EVI5: variants seen among roughly 807,000 people sequenced by gnomAD.
EVI5 encodes the protein ecotropic viral integration site 5.
Under a neutral mutation model 112.0 loss-of-function variants are expected in EVI5, and 73 were observed. That is an observed-to-expected ratio of 0.65 (90% CI 0.54 to 0.79). The LOEUF (loss-of-function observed/expected upper bound fraction) is 0.79. EVI5 is among the 30% of genes least tolerant of loss of function. The probability of loss-of-function intolerance (pLI) is 0.00; values close to 1 mark genes in which losing one functional copy is unlikely to be tolerated. For synonymous variants in EVI5, 305 were observed against 319.9 expected (o/e 0.95, Z 0.50); for missense variants, 900 against 968.8 (o/e 0.93, Z 0.94).
At chr1:92,561,590 T>TCTATCTAACCTATC (rs1668566776) in intron 19 of EVI5, among the ~76,000 whole-genome samples, 1 of 149,894 alleles carries the variant, frequency 6.7e-6, no homozygotes, top group Non-Finnish European at 1.5e-5. Context: ...TATCTATCTA[T>TCTATCTAACCTATC]CTATCTATCT....
intron 2 of EVI5, among the ~76,000 whole-genome samples, chr1:92,716,398 TAACA>T (rs1558135484): frequency 6.6e-6 from 1 of 152,108 alleles, no homozygotes; most frequent in African/African-American, 2.4e-5. Context: ...GAAGGAAAAC[TAACA>T]AACAGAAAGG....
chr1:92,631,664 C>T (rs1411123253), intron 14 of EVI5, among the ~76,000 whole-genome samples: 1 of 152,126 alleles, frequency 6.6e-6, no homozygotes, highest in African/African-American at 2.4e-5. Flanking sequence ...TAATGGAATA[C>T]CCTTTATTTC....
chr1:92,562,806 G>A (rs895529492), intron 19 of EVI5, among the ~76,000 whole-genome samples: 139 of 152,198 alleles, frequency 9.1e-4, no homozygotes, highest in African/African-American at 3.2e-3. Flanking sequence ...AAAGGGTAAC[G>A]TCTAAACTTT....
At chr1:92,732,056 C>A (rs537285128) in intron 2 of EVI5, 1 of 156,940 alleles carries the variant, frequency 6.4e-6, no homozygotes, top group Admixed American at 6.5e-5. Context: ...CTGGGCAGCA[C>A]TGCCAGATTT....
At chr1:92,685,313 A>G (rs1483259653) in intron 9 of EVI5, among the ~76,000 whole-genome samples, 1 of 152,244 alleles carries the variant, frequency 6.6e-6, no homozygotes, top group East Asian at 1.9e-4. Flanking sequence ...TACTGGGTAC[A>G]TAACAAAATG....
intron 13 of EVI5, among the ~76,000 whole-genome samples, chr1:92,652,800 A>AT (rs1331798138): frequency 6.6e-6 from 1 of 152,248 alleles, no homozygotes; most frequent in Non-Finnish European, 1.5e-5. Flanking sequence ...CATAATGTGA[A>AT]TAGACTATCC....
At chr1:92,626,441 T>G (rs1423905762) in intron 14 of EVI5, among the ~76,000 whole-genome samples, 3 of 152,214 alleles carry the variant, frequency 2.0e-5, no homozygotes, top group Non-Finnish European at 4.4e-5. Context: ...AATAGAAATT[T>G]GGGTTGTTTC....
At chr1:92,744,596 TCTCTCACACACACACACA>T (rs763051767) in intron 1 of EVI5, among the ~76,000 whole-genome samples, 748 of 25,564 alleles carry the variant, frequency 0.029, 7 homozygotes, top group East Asian at 0.21. Context: ...TCTCTCTCTC[TCTCTCACACACACACACA>T]CACACACACA....
At chr1:92,702,430 A>G (rs1671316527) in intron 4 of EVI5, among the ~76,000 whole-genome samples, 1 of 147,746 alleles carries the variant, frequency 6.8e-6, no homozygotes, top group Non-Finnish European at 1.5e-5. Context: ...CAAACTTGCT[A>G]GCTCTAAAGA....
At chr1:92,738,249 C>T (rs927834472) in intron 1 of EVI5, among the ~76,000 whole-genome samples, 4 of 152,248 alleles carry the variant, frequency 2.6e-5, no homozygotes, top group Admixed American at 2.6e-4. Flanking sequence ...GTTATCCTAT[C>T]GATCTTAGGA....
At chr1:92,542,593 T>C (rs1000565253) in intron 19 of EVI5, among the ~76,000 whole-genome samples, 1 of 152,250 alleles carries the variant, frequency 6.6e-6, no homozygotes, top group African/African-American at 2.4e-5. Flanking sequence ...GGAATCACTA[T>C]ATATGGCACT....
At chr1:92,703,192 A>G (rs554965792) in intron 4 of EVI5, among the ~76,000 whole-genome samples, 2 of 152,116 alleles carry the variant, frequency 1.3e-5, no homozygotes, top group African/African-American at 2.4e-5. Context: ...CTAATGCTAA[A>G]TAACGTAGTA....
chr1:92,681,789 CTAAT>C (rs1667633412), intron 9 of EVI5, among the ~76,000 whole-genome samples: 1 of 152,152 alleles, frequency 6.6e-6, no homozygotes, highest in East Asian at 1.9e-4. Flanking sequence ...ATGTGAGTGA[CTAAT>C]TAGCACTTGA....
At chr1:92,644,259 T>G (rs1660527539) in intron 13 of EVI5, among the ~76,000 whole-genome samples, 1 of 152,174 alleles carries the variant, frequency 6.6e-6, no homozygotes. Context: ...GTTTACAACA[T>G]CATCTATAAT....
At chr1:92,651,426 T>C (rs967412270) in intron 13 of EVI5, among the ~76,000 whole-genome samples, 5 of 152,220 alleles carry the variant, frequency 3.3e-5, no homozygotes, top group Non-Finnish European at 5.9e-5. Context: ...CTATTTGATA[T>C]AGTCTTTGCA....
rs1668121769 is a variant in EVI5, at chr1:92,684,296, C to A, written c.1098-7078G>T. The stretch of plus-strand genomic sequence containing the variant: ...TTCAACCCAGAATCTCATATCCAGC[C>A]AAACTAAGCTTCAGAAGTGAAGGAG... On this transcript the variant is annotated intron_variant, in intron 9 of 19. Transcript: ENST00000684568. 2.0e-5 allele frequency among the ~76,000 whole-genome samples: 3 copies of A among 152,144 alleles called. No individual in the cohort carries two copies. In the South Asian group the frequency reaches 6.2e-4, roughly 32 times the overall value.
At chr1:92,735,651 T>TG (rs1677239775) in intron 2 of EVI5, among the ~76,000 whole-genome samples, 3 of 2,804 alleles carry the variant, frequency 1.1e-3, no homozygotes, top group South Asian at 0.04. Context: ...TATATATATA[T>TG]AATTATATAA....
chr1:92,676,100 C>A (rs1175692162), intron 10 of EVI5, among the ~76,000 whole-genome samples: 1 of 149,900 alleles, frequency 6.7e-6, no homozygotes, highest in African/African-American at 2.5e-5. Context: ...GTATCTACTT[C>A]CATTTGATAA....
intron 16 of EVI5, among the ~76,000 whole-genome samples, chr1:92,620,492 TACAA>T (rs981622881): frequency 2.7e-5 from 4 of 146,324 alleles, no homozygotes; most frequent in African/African-American, 1.0e-4. Flanking sequence ...TTCGACCTGC[TACAA>T]ACAAAGAGAA....
Sources: gnomAD v4.1 joint callset for allele counts (sites outside exome capture counted in the v4.1 genomes callset) on GRCh38, gnomAD v4.1.1 for gene constraint, MANE v1.5 for transcripts, NCBI Gene and HGNC (gene_info 2026-07-23, HGNC 2026-07-21) for gene names.